TNNI3K: variants seen among roughly 807,000 people sequenced by gnomAD.
TNNI3K encodes TNNI3 interacting kinase.
A neutral mutation model predicts 114.5 loss-of-function variants in TNNI3K; 140 were observed. That is an observed-to-expected ratio of 1.22 (90% confidence interval 1.07 to 1.41). The LOEUF (loss-of-function observed/expected upper bound fraction) is 1.41, where lower values mean the gene tolerates loss of function less well. Among genes scored for constraint, TNNI3K ranks in the 40% most tolerant of loss-of-function variants. The pLI is 0.00. For synonymous variants in TNNI3K, 347 were observed against 347.5 expected (o/e 1.00, Z 0.02); for missense variants, 1,125 against 1,007.6 (o/e 1.12, Z -1.58).
At chr1:74,347,607 A>G (rs2100457657) in intron 9 of TNNI3K, among the ~76,000 whole-genome samples, 1 of 152,334 alleles carries the variant, frequency 6.6e-6, no homozygotes, top group African/African-American at 2.4e-5. Flanking sequence ...ACTAGTTTAC[A>G]GTCCCACCAA....
intron 9 of TNNI3K, among the ~76,000 whole-genome samples, chr1:74,347,048 G>A (rs868291076): frequency 1.1e-4 from 17 of 150,824 alleles, no homozygotes; most frequent in East Asian, 7.8e-4. Flanking sequence ...TGTGCACAAC[G>A]GGCAGGTTTG....
chr1:74,309,366 C>CAAACAAAAAA (rs1553129786), intron 5 of TNNI3K, among the ~76,000 whole-genome samples: 3 of 24,082 alleles, frequency 1.2e-4, no homozygotes, highest in Non-Finnish European at 2.1e-4. Context: ...GACTCTGTCT[C>CAAACAAAAAA]AAAAAAAAAA....
Position 74,492,244 on chromosome 1 carries a change from T to C in TNNI3K, c.2329T>C (p.Ser777Pro), listed in dbSNP as rs1669117898. 6.2e-7 allele frequency: 1 copy of C among 1,601,528 alleles called. No homozygotes were observed. The highest frequency in any genetic ancestry group is 8.5e-7 in the Non-Finnish European group (1 of 1,171,286). The change falls in exon 23 of 25, where the codon TCC (serine) becomes CCC (proline). Residue 777 changes from serine to proline, a missense_variant. By Grantham distance (74) the Ser-to-Pro change is moderately conservative. Transcript: ENST00000326637. ...FELEYALNARSYAALSQSAGQ... is the reference protein window; with the variant it reads ...FELEYALNARPYAALSQSAGQ... ...ATTGGAATATGCTCTAAATGCAAGG[T>C]CCTATGCTGCTTTGTCCCAAAGGTG...
intron 21 of TNNI3K, among the ~76,000 whole-genome samples, chr1:74,482,713 G>A (rs1011504882): frequency 1.2e-4 from 19 of 152,074 alleles, no homozygotes; most frequent in African/African-American, 4.6e-4. Flanking sequence ...TGTTAATAAG[G>A]TGTCTTATTA....
At chr1:74,366,217 A>G (rs1384539102) in intron 11 of TNNI3K, among the ~76,000 whole-genome samples, 4 of 152,080 alleles carry the variant, frequency 2.6e-5, no homozygotes, top group Non-Finnish European at 2.9e-5. Context: ...CCAGTTTTAC[A>G]ATAAGCTCTG....
intron 17 of TNNI3K, among the ~76,000 whole-genome samples, chr1:74,392,145 T>C (rs1443957389): frequency 6.6e-6 from 1 of 152,040 alleles, no homozygotes; most frequent in African/African-American, 2.4e-5. Flanking sequence ...CCACTTAGGA[T>C]ATTTTCCACT....
chr1:74,314,045 T>TTA lies in TNNI3K; in HGVS notation c.445-17371_445-17370dup, dbSNP rs201922658. On this transcript the variant is annotated intron_variant, in intron 5 of 24. Coordinates refer to ENST00000326637, the MANE Select transcript of TNNI3K (RefSeq NM_015978.3). ...AGGGAAGCTGACAGGAGAAAGTTCA[T>TTA]TATATATATATATATATATATATAT... Among the ~76,000 whole-genome samples the TTA allele has an allele frequency of 9.4e-4, 6 of 6,352 alleles. 1 individual carries two copies. The highest frequency in any genetic ancestry group is 1.2e-3 in the African/African-American group (6 of 4,848). The allele number at this position is 6,352 out of a possible 152,430, so 4.2% of individuals were successfully genotyped here.
intron 17 of TNNI3K, among the ~76,000 whole-genome samples, chr1:74,390,813 C>T (rs1663725962): frequency 2.0e-5 from 3 of 152,004 alleles, no homozygotes; most frequent in African/African-American, 7.2e-5. Context: ...TTATGAAAGC[C>T]TTCTCTGAGA....
chr1:74,500,897 T>C (rs1482367484), intron 23 of TNNI3K, among the ~76,000 whole-genome samples: 1 of 152,094 alleles, frequency 6.6e-6, no homozygotes, highest in East Asian at 1.9e-4. Context: ...TTTAGAAGTC[T>C]TCTTTATCTT....
chr1:74,381,419 A>G (rs1406772257), intron 17 of TNNI3K, among the ~76,000 whole-genome samples: 1 of 152,196 alleles, frequency 6.6e-6, no homozygotes, highest in Admixed American at 6.6e-5. Flanking sequence ...TTCTTTCGAA[A>G]GAATCTTTTC....
rs112996031 is a variant in TNNI3K, at chr1:74,514,745, G to T, written c.2351+22479G>T. 2.4e-3 allele frequency among the ~76,000 whole-genome samples: 367 copies of T among 152,166 alleles called. 2 individuals are homozygous for T. Among genetic ancestry groups the T allele is most frequent in the African/African-American group, 8.5e-3 (353 of 41,520 alleles). On this transcript the variant is annotated intron_variant, in intron 23 of 24. Transcript: ENST00000326637. ...GTTTGGAACTCATGATAAAAAACAA[G>T]ATCAAGACTGTGGTAAAAATGTGAA...
intron 17 of TNNI3K, among the ~76,000 whole-genome samples, chr1:74,389,169 T>A (rs1015044159): frequency 6.6e-6 from 1 of 152,162 alleles, no homozygotes; most frequent in Non-Finnish European, 1.5e-5. Context: ...TAGCACAAGC[T>A]GGAAGTAATG....
chr1:74,487,672 G>A (rs1668835615), intron 21 of TNNI3K, among the ~76,000 whole-genome samples: 1 of 151,958 alleles, frequency 6.6e-6, no homozygotes, highest in Admixed American at 6.6e-5. Context: ...ATGATGAAGT[G>A]AGCAAAAAAA....
chr1:74,475,621 T>G (rs998455925), intron 21 of TNNI3K: 6 of 717,212 alleles, frequency 8.4e-6, no homozygotes, highest in Admixed American at 6.0e-5. Flanking sequence ...GGACATGACC[T>G]TTATCTCGTT....
chr1:74,440,635 A>G (rs1448289062), intron 20 of TNNI3K, among the ~76,000 whole-genome samples: 5 of 152,012 alleles, frequency 3.3e-5, no homozygotes, highest in Admixed American at 3.3e-4. Context: ...AGTGCTTTTC[A>G]CAGGTTATGT....
chr1:74,349,618 G>A (rs566802675), intron 9 of TNNI3K, among the ~76,000 whole-genome samples: 5 of 152,082 alleles, frequency 3.3e-5, no homozygotes, highest in Admixed American at 6.5e-5. Context: ...TTTTTGGTTG[G>A]TAAGCTATTG....
At chr1:74,364,620 G>A (rs1662165861) in intron 11 of TNNI3K, among the ~76,000 whole-genome samples, 1 of 151,880 alleles carries the variant, frequency 6.6e-6, no homozygotes. Context: ...GCCTTACATG[G>A]GGAAGAATCA....
intron 2 of TNNI3K, among the ~76,000 whole-genome samples, chr1:74,236,518 T>C (rs912656898): frequency 2.6e-5 from 4 of 151,858 alleles, no homozygotes; most frequent in South Asian, 2.1e-4. Flanking sequence ...AATTAGATCA[T>C]TCTTGTAAAC....
At chr1:74,517,817 T>A (rs1158557299) in intron 23 of TNNI3K, among the ~76,000 whole-genome samples, 1 of 152,170 alleles carries the variant, frequency 6.6e-6, no homozygotes, top group Non-Finnish European at 1.5e-5. Flanking sequence ...GGAAGATTTT[T>A]TAAGGCAAAA....
Sources: allele counts gnomAD v4.1 joint callset (sites outside exome capture counted in the v4.1 genomes callset), GRCh38; gene constraint gnomAD v4.1.1; transcripts MANE v1.5; gene names NCBI Gene and HGNC (gene_info 2026-07-23, HGNC 2026-07-21).